FHIP2A: variants seen among roughly 807,000 people sequenced by gnomAD.
The protein encoded by FHIP2A is FHF complex subunit HOOK interacting protein 2A.
FHIP2A carries 46 observed loss-of-function variants against 93.5 expected under a neutral mutation model. The observed-to-expected ratio is 0.49, with a 90% CI of 0.39 to 0.63. The LOEUF is 0.63. Ranked by LOEUF, FHIP2A falls within the 20% of genes least tolerant of loss-of-function variation. The pLI, the probability that FHIP2A is intolerant of heterozygous loss-of-function variation, is 0.00. For synonymous variants in FHIP2A, 332 were observed against 326.5 expected (o/e 1.02, Z -0.18); for missense variants, 769 against 909.7 (o/e 0.85, Z 1.99).
At chr10:114,822,647 C>T (rs1320695267) in intron 1 of FHIP2A, among the ~76,000 whole-genome samples, 1 of 152,246 alleles carries the variant, frequency 6.6e-6, no homozygotes, top group Non-Finnish European at 1.5e-5. Flanking sequence ...TGGGGCGTCC[C>T]TGGCGAGGGA....
intron 14 of FHIP2A, among the ~76,000 whole-genome samples, chr10:114,857,229 G>T (rs2083772016): frequency 6.6e-6 from 1 of 150,862 alleles, no homozygotes; most frequent in Non-Finnish European, 1.5e-5. Flanking sequence ...TTTTGGCCTA[G>T]TTTTACTTTC....
rs1405279258 is a variant in FHIP2A at position 114,862,786 on chromosome 10, A to T, written c.*1246A>T. ...TTAAGCTATTGTTTGTTTTTATTTG[A>T]CATGTTAAGCCGCAGCACTTTCTTC... On this transcript the variant is annotated 3_prime_UTR_variant, in exon 17 of 17. Coordinates refer to ENST00000369248, the MANE Select transcript of FHIP2A (RefSeq NM_020940.4). 2 of 985,376 alleles carry T rather than the reference A, an allele frequency of 2.0e-6. No homozygotes were observed. Among genetic ancestry groups the T allele is most frequent in the African/African-American group, 3.5e-5 (2 of 57,332 alleles). The allele number at this position is 985,376 out of a possible 1,614,324, so 61.0% of individuals were successfully genotyped here.
chr10:114,871,113 G>GTT (rs1038499516), intron 16 of FHIP2A, among the ~76,000 whole-genome samples: 18 of 144,178 alleles, frequency 1.2e-4, no homozygotes, highest in African/African-American at 4.2e-4. Flanking sequence ...TATATATACT[G>GTT]TTATATATAT....
At chr10:114,896,605 G>T (rs567520639) in intron 16 of FHIP2A, among the ~76,000 whole-genome samples, 1 of 152,188 alleles carries the variant, frequency 6.6e-6, no homozygotes. Flanking sequence ...GCAACCGTTT[G>T]TGTTTCACCT....
chr10:114,848,940 C>T (rs942459280), intron 13 of FHIP2A, among the ~76,000 whole-genome samples: 4 of 151,548 alleles, frequency 2.6e-5, no homozygotes, highest in Non-Finnish European at 5.9e-5. Context: ...GTCAGGAGTT[C>T]GAGACCAGCC....
At chr10:114,878,791 A>AAAAAAAAAAG (rs1555247326) in intron 16 of FHIP2A, among the ~76,000 whole-genome samples, 7 of 135,460 alleles carry the variant, frequency 5.2e-5, no homozygotes, top group Non-Finnish European at 7.8e-5. Context: ...AAAAAAAAAA[A>AAAAAAAAAAG]AAAGAAAGAA....
intron 16 of FHIP2A, among the ~76,000 whole-genome samples, chr10:114,886,437 A>G (rs2083943164): frequency 1.3e-5 from 2 of 152,116 alleles, no homozygotes; most frequent in Admixed American, 6.5e-5. Flanking sequence ...AAAAACAGAA[A>G]CAGTCTATAG....
intron 13 of FHIP2A, among the ~76,000 whole-genome samples, chr10:114,850,743 A>AT (rs1725331119): frequency 1.3e-5 from 2 of 152,184 alleles, no homozygotes; most frequent in Non-Finnish European, 2.9e-5. Context: ...TAATTGGGCT[A>AT]TTTGTCTTTT....
At position 114,861,272 on chromosome 10, in the gene FHIP2A, C is replaced by G; in HGVS notation, c.2130C>G (p.Asp710Glu). The change falls in exon 16 of 17, where the codon GAC becomes GAG. Residue 710 changes from aspartate (D) to glutamate (E), a missense_variant. Transcript: ENST00000369248. ...DLMLRIQRIQDFTPKLLLVRK... is the reference protein window; with the variant it reads ...DLMLRIQRIQEFTPKLLLVRK... ...TGCTTCGAATCCAGCGTATTCAAGACTTTACTCCCAAGCTTCTGTTAGTCA... is the reference window on the plus strand; with the variant it reads ...TGCTTCGAATCCAGCGTATTCAAGAGTTTACTCCCAAGCTTCTGTTAGTCA... 2 of 1,614,154 alleles carry G rather than the reference C, an allele frequency of 1.2e-6. No individual in the cohort carries two copies. The highest frequency in any genetic ancestry group is 1.7e-6 in the Non-Finnish European group (2 of 1,180,028).
downstream of FHIP2A, among the ~76,000 whole-genome samples, chr10:114,868,005 T>G (rs910297136): frequency 1.4e-4 from 21 of 151,312 alleles, no homozygotes; most frequent in Non-Finnish European, 5.9e-5. Flanking sequence ...GCGGTGGCAC[T>G]ATCAGCTCAC....
rs1433397451 is a variant in FHIP2A at position 114,861,964 on chromosome 10, AAT to A, written c.*425_*426del. On this transcript the variant is annotated 3_prime_UTR_variant, in exon 17 of 17. Coordinates refer to ENST00000369248, the MANE Select transcript of FHIP2A (RefSeq NM_020940.4). Reference sequence around the variant, plus strand: ...TTTGGATTAATAAGTAGCAAAAAAAAATCACTAATTTTATAACTTTTTAAGGT... The same window carrying A: ...TTTGGATTAATAAGTAGCAAAAAAAACACTAATTTTATAACTTTTTAAGGT... 20 of 985,014 alleles carry A rather than the reference AAT, an allele frequency of 2.0e-5. No individual in the cohort carries two copies. Among genetic ancestry groups the A allele is most frequent in the Admixed American group, 1.2e-4 (2 of 16,312 alleles). The allele number at this position is 985,014 out of a possible 1,614,324, so 61.0% of individuals were successfully genotyped here.
intron 5 of FHIP2A, among the ~76,000 whole-genome samples, chr10:114,836,565 A>G (rs1220780141): frequency 2.0e-5 from 3 of 152,206 alleles, no homozygotes; most frequent in African/African-American, 7.2e-5. Flanking sequence ...ATTTTCAGCC[A>G]AGCTTGCCCT....
chr10:114,838,454 A>C (rs56099117), intron 5 of FHIP2A, among the ~76,000 whole-genome samples: 12,214 of 152,132 alleles, frequency 0.08, 1,002 homozygotes, highest in African/African-American at 0.2. Context: ...AAAGGGCTGG[A>C]ACAGTCTTAT....
chr10:114,874,360 A>T (rs2083873853), intron 16 of FHIP2A, among the ~76,000 whole-genome samples: 1 of 152,214 alleles, frequency 6.6e-6, no homozygotes, highest in Admixed American at 6.5e-5. Context: ...GCACACTAGG[A>T]ATGATTACTT....
intron 13 of FHIP2A, among the ~76,000 whole-genome samples, chr10:114,850,735 A>G (rs2083729961): frequency 6.6e-6 from 1 of 152,220 alleles, no homozygotes; most frequent in Admixed American, 6.5e-5. Context: ...CTGTGTTTTA[A>G]TTGGGCTATT....
In FHIP2A at chr10:114,830,772, A is replaced by C. The variant is rs544358140; in HGVS notation, c.46-80A>C. The C allele has an allele frequency of 5.0e-4, 431 of 862,228 alleles. 1 individual carries two copies. The highest frequency in any genetic ancestry group is 7.0e-4 in the Non-Finnish European group (385 of 551,688). The allele number at this position is 862,228 out of a possible 1,614,324, so 53.4% of individuals were successfully genotyped here. ...TATTTTTATGCTACCTTTGCATTGTAATAGATAAATACAGAGTTATAAGTT... is the reference window on the plus strand; with the variant it reads ...TATTTTTATGCTACCTTTGCATTGTCATAGATAAATACAGAGTTATAAGTT... On this transcript the variant is annotated intron_variant, in intron 1 of 16. Coordinates refer to ENST00000369248, the MANE Select transcript of FHIP2A (RefSeq NM_020940.4).
intron 2 of FHIP2A, among the ~76,000 whole-genome samples, chr10:114,831,426 A>G (rs2083607243): frequency 2.0e-5 from 3 of 152,188 alleles, no homozygotes. Context: ...CTCGGGAATG[A>G]GACCTAATTC....
chr10:114,846,014 C>G lies in FHIP2A; in HGVS notation c.1130C>G (p.Thr377Ser). The G allele has an allele frequency of 1.2e-6, 2 of 1,609,538 alleles. No individual in the cohort carries two copies. The highest frequency in any genetic ancestry group is 2.2e-5 in the South Asian group (2 of 90,818). ...CDQLIKEAQK[T>S]AAVALAKAVH... ...AATGATGTTCCTACTATATTCTAGA[C>G]TGCTGCTGTTGCTCTTGCCAAAGCT... Residue 377 changes from threonine (T) to serine (S), a missense_variant and splice_region_variant, in exon 9 of 17, where the codon ACT becomes AGT. Thr to Ser is a moderately conservative substitution (Grantham distance 58). Transcript: ENST00000369248.
intron 2 of FHIP2A, among the ~76,000 whole-genome samples, chr10:114,832,872 C>T (rs146441915): frequency 0.016 from 2,425 of 152,066 alleles, 54 homozygotes; most frequent in African/African-American, 0.054. Context: ...CCACCACACA[C>T]GGCTAATTTT....
Sources: gnomAD v4.1 joint callset for allele counts (sites outside exome capture counted in the v4.1 genomes callset) on GRCh38, gnomAD v4.1.1 for gene constraint, MANE v1.5 for transcripts, NCBI Gene and HGNC (gene_info 2026-07-23, HGNC 2026-07-21) for gene names.